ABCA13: variants seen among roughly 807,000 people sequenced by gnomAD.
The protein encoded by ABCA13 is ATP binding cassette subfamily A member 13, also known as ATP-binding cassette sub-family A member 13.
ABCA13 carries 476 observed loss-of-function variants against 478.7 expected under a neutral mutation model. The observed-to-expected ratio is 0.99, with a 90% confidence interval of 0.92 to 1.07. The LOEUF is 1.07. Ranked by LOEUF, ABCA13 falls within the 50% of genes least tolerant of loss-of-function variation. The probability of loss-of-function intolerance (pLI) is 0.00; values close to 1 mark genes in which losing one functional copy is unlikely to be tolerated. For synonymous variants in ABCA13, 2,252 were observed against 2,158.9 expected (o/e 1.04, Z -1.20); for missense variants, 6,060 against 5,910.6 (o/e 1.03, Z -0.83).
Position 48,275,673 on chromosome 7 carries a change from G to A in ABCA13, c.6007G>A (p.Glu2003Lys), listed in dbSNP as rs1796206752. Reference protein sequence around the residue: ...SVQNIISSNLERTVQLISEDW... With the variant: ...SVQNIISSNLKRTVQLISEDW... ...TCAAAATATTATTTCCTCAAATTTG[G>A]AAAGGACAGTACAATTGATTTCTGA... Residue 2003 changes from glutamate (E) to lysine (K), a missense_variant, in exon 17 of 62, where the codon GAA becomes AAA. Physicochemically the swap from Glu to Lys is moderately conservative, Grantham distance 56. Transcript: ENST00000435803. 1 of 1,598,808 alleles carries A rather than the reference G, an allele frequency of 6.3e-7. No homozygotes were observed. Among genetic ancestry groups the A allele is most frequent in the South Asian group, 1.1e-5 (1 of 89,332 alleles).
chr7:48,463,707 C>G (rs530902664), intron 43 of ABCA13, among the ~76,000 whole-genome samples: 1 of 149,572 alleles, frequency 6.7e-6, no homozygotes, highest in Non-Finnish European at 1.5e-5. Flanking sequence ...CAGGAGAGGT[C>G]GAAAGACTGG....
chr7:48,479,108 C>T (rs1219745109), intron 45 of ABCA13, among the ~76,000 whole-genome samples: 12 of 151,690 alleles, frequency 7.9e-5, no homozygotes, highest in East Asian at 7.8e-4. Flanking sequence ...CCACTACGCC[C>T]GGCTAATTTT....
chr7:48,172,215 A>G (rs1456543037), intron 1 of ABCA13, among the ~76,000 whole-genome samples: 1 of 152,250 alleles, frequency 6.6e-6, no homozygotes, highest in Admixed American at 6.5e-5. Flanking sequence ...ATGCCACTAT[A>G]TAAACATTAA....
At chr7:48,182,890 T>A (rs1795878413) in intron 1 of ABCA13, among the ~76,000 whole-genome samples, 1 of 152,198 alleles carries the variant, frequency 6.6e-6, no homozygotes, top group African/African-American at 2.4e-5. Context: ...TTGTTGGAAC[T>A]CCTTGTGTGA....
At chr7:48,230,444 A>G (rs1456154111) in intron 7 of ABCA13, among the ~76,000 whole-genome samples, 2 of 152,166 alleles carry the variant, frequency 1.3e-5, no homozygotes, top group Non-Finnish European at 2.9e-5. Context: ...CCAGGATATT[A>G]TTATTTCCTG....
chr7:48,225,426 A>G (rs923340892), intron 5 of ABCA13, among the ~76,000 whole-genome samples: 5 of 152,192 alleles, frequency 3.3e-5, no homozygotes, highest in African/African-American at 1.2e-4. Context: ...TCTTGAACAT[A>G]ACCACAGTAC....
chr7:48,638,273 A>G (rs1284885085), intron 59 of ABCA13, among the ~76,000 whole-genome samples: 2 of 152,166 alleles, frequency 1.3e-5, no homozygotes, highest in Admixed American at 6.5e-5. Context: ...CCTGGAGGTG[A>G]CGTTGACCCA....
At chr7:48,289,446 C>T (rs1798210243) in intron 20 of ABCA13, among the ~76,000 whole-genome samples, 1 of 150,764 alleles carries the variant, frequency 6.6e-6, no homozygotes, top group African/African-American at 2.4e-5. Flanking sequence ...GCAACCTCTG[C>T]CTCCCGGGTT....
intron 20 of ABCA13, among the ~76,000 whole-genome samples, chr7:48,294,389 C>T (rs923959091): frequency 6.6e-6 from 1 of 151,512 alleles, no homozygotes; most frequent in South Asian, 2.1e-4. Context: ...CCAAGTTCAT[C>T]CCTGGTAACC....
intron 51 of ABCA13, among the ~76,000 whole-genome samples, chr7:48,515,849 T>C (rs1832065946): frequency 6.6e-6 from 1 of 152,162 alleles, no homozygotes; most frequent in Non-Finnish European, 1.5e-5. Context: ...CTCAATATAA[T>C]GAATAAGTAT....
At chr7:48,601,560 T>C (rs1790897680) in intron 58 of ABCA13, among the ~76,000 whole-genome samples, 1 of 152,234 alleles carries the variant, frequency 6.6e-6, no homozygotes, top group African/African-American at 2.4e-5. Context: ...ACTAATTCTT[T>C]TTTATGGCTG....
At position 48,317,245 on chromosome 7, in the gene ABCA13, A is replaced by G. The variant is rs1462231474; in HGVS notation, c.9948A>G (p.Gly3316=). ...VWTFLKPILH[G]KILYTPNTPE... ...CCTTCCTAAAACCCATATTGCATGG[A>G]AAAATACTATACACACCAAACACTC... is the stretch of plus-strand genomic sequence containing the variant. The change falls in exon 27 of 62, where the codon GGA becomes GGG. Residue 3316 remains glycine (G), a synonymous_variant. Coordinates refer to ENST00000435803, the MANE Select transcript of ABCA13 (RefSeq NM_152701.5). 23 of 1,613,498 alleles carry G rather than the reference A, an allele frequency of 1.4e-5. No individual in the cohort carries two copies. Among genetic ancestry groups the G allele is most frequent in the African/African-American group, 2.7e-5 (2 of 74,926 alleles).
chr7:48,306,095 C>G (rs1197571952), intron 23 of ABCA13, among the ~76,000 whole-genome samples: 1 of 152,172 alleles, frequency 6.6e-6, no homozygotes, highest in African/African-American at 2.4e-5. Flanking sequence ...GCAATACAAT[C>G]TTTAAAAGAT....
At chr7:48,620,938 A>G (rs1261926970) in intron 59 of ABCA13, among the ~76,000 whole-genome samples, 1 of 152,162 alleles carries the variant, frequency 6.6e-6, no homozygotes, top group Non-Finnish European at 1.5e-5. Flanking sequence ...TTTCAGTCTT[A>G]GTACAGCCCT....
intron 1 of ABCA13, among the ~76,000 whole-genome samples, chr7:48,179,782 C>G (rs1489258804): frequency 6.6e-6 from 1 of 152,188 alleles, no homozygotes; most frequent in Non-Finnish European, 1.5e-5. Flanking sequence ...CCGGCAGGTC[C>G]TGAGAGCACA....
At chr7:48,484,843 A>G (rs915482350) in intron 47 of ABCA13, among the ~76,000 whole-genome samples, 7 of 152,236 alleles carry the variant, frequency 4.6e-5, no homozygotes, top group African/African-American at 4.8e-5. Context: ...GTAAAGGGCA[A>G]TCTATTATTT....
chr7:48,202,968 C>T (rs1297970943), intron 3 of ABCA13, among the ~76,000 whole-genome samples: 1 of 152,196 alleles, frequency 6.6e-6, no homozygotes, highest in South Asian at 2.1e-4. Context: ...CAGGGGGCGG[C>T]GCTCGTCGGG....
At chr7:48,323,432 G>T (rs565932489) in intron 27 of ABCA13, among the ~76,000 whole-genome samples, 1 of 152,214 alleles carries the variant, frequency 6.6e-6, no homozygotes, top group Non-Finnish European at 1.5e-5. Flanking sequence ...CCCTCTGCCC[G>T]CTGCCAGAGC....
At chr7:48,386,211 C>T (rs537754807) in intron 35 of ABCA13, among the ~76,000 whole-genome samples, 4 of 152,258 alleles carry the variant, frequency 2.6e-5, no homozygotes, top group Non-Finnish European at 4.4e-5. Context: ...AGGAGAACTA[C>T]AAACCACTGC....
Sources: allele counts gnomAD v4.1 joint callset (sites outside exome capture counted in the v4.1 genomes callset), GRCh38; gene constraint gnomAD v4.1.1; transcripts MANE v1.5; gene names NCBI Gene and HGNC (gene_info 2026-07-23, HGNC 2026-07-21).